PLD5: variants seen among roughly 807,000 people sequenced by gnomAD.
PLD5 encodes phospholipase D family member 5.
A neutral mutation model predicts 61.1 loss-of-function variants in PLD5; 36 were observed. The observed-to-expected ratio is 0.59, with a 90% CI of 0.45 to 0.78. The LOEUF is 0.78. Among genes scored for constraint, PLD5 ranks in the 30% least tolerant of loss-of-function variants. The pLI is 0.00. For missense variants in PLD5, 515 were observed against 644.4 expected, an observed-to-expected ratio of 0.80 and a Z score of 2.17; for synonymous variants, 243 against 242.8, an observed-to-expected ratio of 1.00 and a Z score of -0.01.
At chr1:242,335,843 A>G (rs1659470518) in intron 2 of PLD5, among the ~76,000 whole-genome samples, 1 of 152,196 alleles carries the variant, frequency 6.6e-6, no homozygotes. Flanking sequence ...TGATATTTCT[A>G]ATATGATGAA....
intron 1 of PLD5, among the ~76,000 whole-genome samples, chr1:242,393,207 A>AATAT (rs1379966321): frequency 2.3e-5 from 2 of 87,498 alleles, no homozygotes; most frequent in South Asian, 3.6e-4. Flanking sequence ...GTCTCAAAAA[A>AATAT]ATATATATAT....
intron 5 of PLD5, among the ~76,000 whole-genome samples, chr1:242,211,351 T>C (rs1318583167): frequency 1.1e-4 from 16 of 152,200 alleles, no homozygotes. Flanking sequence ...GGGACGCAGA[T>C]ACAAAGGAAT....
chr1:242,495,260 A>G (rs545381952), intron 1 of PLD5, among the ~76,000 whole-genome samples: 2 of 152,276 alleles, frequency 1.3e-5, no homozygotes, highest in East Asian at 3.9e-4. Context: ...TGCTCAAAAA[A>G]TGCTTGTTCA....
chr1:242,362,737 A>G lies in PLD5; in HGVS notation c.190-14495T>C, dbSNP rs562450549. ...TCTCTAAAATCCTTATAATAGACTT[A>G]TCACTTCACTTCCTACATATATTTC... On this transcript the variant is annotated intron_variant, in intron 1 of 9. Transcript: ENST00000536534. Among the ~76,000 whole-genome samples the G allele has an allele frequency of 4.6e-5, 7 of 152,236 alleles. No individual in the cohort carries two copies. In the South Asian group the frequency reaches 1.5e-3, roughly 32 times the overall value.
At chr1:242,268,007 C>T (rs181246340) in intron 3 of PLD5, among the ~76,000 whole-genome samples, 1 of 151,808 alleles carries the variant, frequency 6.6e-6, no homozygotes, top group Non-Finnish European at 1.5e-5. Context: ...GATTTTAGTG[C>T]CTTTGTAAAT....
chr1:242,094,936 T>A (rs961483343), intron 9 of PLD5, among the ~76,000 whole-genome samples: 2 of 152,042 alleles, frequency 1.3e-5, no homozygotes, highest in Non-Finnish European at 2.9e-5. Flanking sequence ...ATTTATTATT[T>A]TTTAATATTT....
intron 1 of PLD5, among the ~76,000 whole-genome samples, chr1:242,420,123 C>A (rs1052414470): frequency 3.3e-5 from 5 of 152,190 alleles, no homozygotes; most frequent in Non-Finnish European, 7.3e-5. Flanking sequence ...GGAGCACTTA[C>A]AATGAGCCAG....
chr1:242,418,261 G>A (rs542709241), intron 1 of PLD5, among the ~76,000 whole-genome samples: 14 of 152,278 alleles, frequency 9.2e-5, no homozygotes, highest in African/African-American at 3.4e-4. Flanking sequence ...TTAATGAGAA[G>A]AGAATTATTG....
chr1:242,241,910 T>TATATATATATATATATATAC (rs1210639780), intron 4 of PLD5, among the ~76,000 whole-genome samples: 4 of 50,406 alleles, frequency 7.9e-5, no homozygotes, highest in African/African-American at 2.4e-4. Context: ...TATATATATA[T>TATATATATATATATATATAC]ACTTACTGTA....
intron 1 of PLD5, among the ~76,000 whole-genome samples, chr1:242,375,486 T>C (rs1661893445): frequency 2.0e-5 from 3 of 152,164 alleles, no homozygotes; most frequent in Admixed American, 1.3e-4. Context: ...ATGAAATGTG[T>C]TTCATGCAGT....
chr1:242,480,861 G>A (rs935986941), intron 1 of PLD5, among the ~76,000 whole-genome samples: 19 of 152,160 alleles, frequency 1.2e-4, no homozygotes, highest in South Asian at 4.1e-4. Flanking sequence ...ATGTGTTGGC[G>A]AGGATGTGCA....
At chr1:242,448,991 A>G (rs1666669337) in intron 1 of PLD5, among the ~76,000 whole-genome samples, 1 of 152,196 alleles carries the variant, frequency 6.6e-6, no homozygotes, top group South Asian at 2.1e-4. Flanking sequence ...ACAGACAACT[A>G]TTTCTTTGAA....
rs370666527 is a variant in PLD5, at chr1:242,493,376, C to T, written c.189+30712G>A. 5.3e-4 allele frequency among the ~76,000 whole-genome samples: 81 copies of T among 152,216 alleles called. No homozygotes were observed. The East Asian group carries it at 7.2e-3, about 13-fold the overall frequency. ...GTCTGAAGCCTTCATGCTGAAGCCT[C>T]GACATGCAGGGGTCAGAACAGGAGG... On this transcript the variant is annotated intron_variant, in intron 1 of 9. Coordinates refer to ENST00000536534, the MANE Select transcript of PLD5 (RefSeq NM_001372062.1).
chr1:242,463,441 G>A (rs1221478726), intron 1 of PLD5, among the ~76,000 whole-genome samples: 1 of 152,150 alleles, frequency 6.6e-6, no homozygotes, highest in Non-Finnish European at 1.5e-5. Flanking sequence ...ATGTTCCCAA[G>A]CAGTCGTGCT....
intron 2 of PLD5, among the ~76,000 whole-genome samples, chr1:242,306,845 C>A (rs1207615696): frequency 2.0e-5 from 3 of 152,012 alleles, no homozygotes; most frequent in Middle Eastern, 3.4e-3. Context: ...AACAGAAAAC[C>A]CATATAAAGC....
chr1:242,326,154 G>A (rs1165861807), intron 2 of PLD5, among the ~76,000 whole-genome samples: 1 of 151,418 alleles, frequency 6.6e-6, no homozygotes, highest in Non-Finnish European at 1.5e-5. Flanking sequence ...TGATACAGGT[G>A]TGAACCCATG....
intron 5 of PLD5, among the ~76,000 whole-genome samples, chr1:242,156,748 T>C (rs1665404156): frequency 6.6e-6 from 1 of 152,212 alleles, no homozygotes; most frequent in Non-Finnish European, 1.5e-5. Context: ...CTTCCCTTTG[T>C]GGGTAACCCA....
chr1:242,498,222 C>T (rs542910346), intron 1 of PLD5, among the ~76,000 whole-genome samples: 3 of 152,296 alleles, frequency 2.0e-5, no homozygotes, highest in South Asian at 4.1e-4. Context: ...CTTGGCCTCC[C>T]GAAGTGCTGG....
In PLD5 at chr1:242,085,010, G is replaced by A. The variant is rs1358959402; in HGVS notation, c.*4844C>T. ...TTACTTCTGAAAAAACTGAGCATCT[G>A]GTTATACGAAAGGTTTGATAATTTT... On this transcript the variant is annotated 3_prime_UTR_variant, in exon 10 of 10. Transcript: ENST00000536534. 6.6e-6 allele frequency: 1 copy of A among 151,826 alleles called. No homozygotes were observed. Among genetic ancestry groups the A allele is most frequent in the East Asian group, 1.9e-4 (1 of 5,188 alleles). The allele number at this position is 151,826 out of a possible 1,614,324, so 9.4% of individuals were successfully genotyped here.
Sources: allele counts gnomAD v4.1 joint callset (sites outside exome capture counted in the v4.1 genomes callset), GRCh38; gene constraint gnomAD v4.1.1; transcripts MANE v1.5; gene names NCBI Gene and HGNC (gene_info 2026-07-23, HGNC 2026-07-21).